The following ARHGAP30 variants were observed in gnomAD, a reference collection of about 807,000 sequenced individuals.
The protein encoded by ARHGAP30 is rho GTPase-activating protein 30.
In ARHGAP30, 23 loss-of-function variants were observed where a neutral mutation model predicts 72.0. The observed-to-expected ratio is 0.32, with a 90% CI of 0.23 to 0.45. The LOEUF is 0.45. Ranked by LOEUF, ARHGAP30 falls within the 20% of genes least tolerant of loss-of-function variation. ARHGAP30 has a pLI of 1.00. For synonymous variants in ARHGAP30, 576 were observed against 528.2 expected, an observed-to-expected ratio of 1.09 and a Z score of -1.24; for missense variants, 1,319 against 1,383.4, an observed-to-expected ratio of 0.95 and a Z score of 0.74.
intron 1 of ARHGAP30, among the ~76,000 whole-genome samples, chr1:161,065,531 CCTTTTTCTTTTTT>C (rs943707455): frequency 1.4e-4 from 21 of 152,068 alleles, no homozygotes; most frequent in East Asian, 1.2e-3. Context: ...CCCAATCTTT[CCTTTTTCTTTTTT>C]CTTTTTCTTT....
intron 1 of ARHGAP30, among the ~76,000 whole-genome samples, chr1:161,062,539 G>A (rs912482760): frequency 2.0e-5 from 3 of 151,894 alleles, no homozygotes; most frequent in African/African-American, 7.3e-5. Flanking sequence ...GACCAGCCTG[G>A]CCAACATAGC....
At chr1:161,056,589 T>G in intron 2 of ARHGAP30, 57 bp from the exon 3 acceptor site, 2 of 1,574,902 alleles carry the variant, frequency 1.3e-6, no homozygotes, top group Non-Finnish European at 1.7e-6. Flanking sequence ...TGGGGAGAGG[T>G]GGGTCCCTAT....
chr1:161,054,735 T>A (rs773822192), intron 3 of ARHGAP30, 30 bp from the exon 4 acceptor site: 3 of 1,601,728 alleles, frequency 1.9e-6, no homozygotes, highest in East Asian at 2.2e-5. Flanking sequence ...GAAGCAGGAA[T>A]CAGTGACCCA....
chr1:161,062,844 C>T (rs1373000184), intron 1 of ARHGAP30, among the ~76,000 whole-genome samples: 5 of 151,190 alleles, frequency 3.3e-5, no homozygotes, highest in South Asian at 4.2e-4. Flanking sequence ...GACGGAGTTT[C>T]GCTCTTGTTG....
chr1:161,050,779 C>T (rs1305393419), intron 10 of ARHGAP30, among the ~76,000 whole-genome samples: 5 of 151,792 alleles, frequency 3.3e-5, no homozygotes, highest in African/African-American at 7.3e-5. Context: ...GAGCTGGGAC[C>T]GCAGGCATCT....
intron 1 of ARHGAP30, among the ~76,000 whole-genome samples, chr1:161,064,819 G>GAAAGAAAGAA (rs1652606016): frequency 3.3e-5 from 2 of 60,600 alleles, no homozygotes; most frequent in South Asian, 8.6e-4. Flanking sequence ...AAGAAAGAAA[G>GAAAGAAAGAA]AAAGAAAGAA....
chr1:161,064,747 ACAAG>A (rs1571120324), intron 1 of ARHGAP30, among the ~76,000 whole-genome samples: 1 of 146,840 alleles, frequency 6.8e-6, no homozygotes, highest in East Asian at 2.0e-4. Flanking sequence ...ACAGAGTAAG[ACAAG>A]AAAGAAAGAG....
In ARHGAP30 at chr1:161,051,657, G is replaced by C; in HGVS notation, c.1077C>G (p.Ser359Arg). 1 of 1,612,912 alleles carries C rather than the reference G, an allele frequency of 6.2e-7. No homozygotes were observed. Reference sequence around the variant, plus strand: ...CTGCCTCTATAGAATCGTTCTCCAAGCTCTCAGGCAGCAATGGGCTTGGCC... The same window carrying C: ...CTGCCTCTATAGAATCGTTCTCCAACCTCTCAGGCAGCAATGGGCTTGGCC... ...SPRPSPLLPE[S>R]LENDSIEAAE... The change falls in exon 10 of 12, where the codon AGC becomes AGG. Residue 359 changes from serine to arginine, a missense_variant. Physicochemically the swap from Ser to Arg is moderately radical, Grantham distance 110 (BLOSUM62 -1). This residue lies in a region of ARHGAP30 where 1,097 missense variants were observed against 1,045.2 expected (regional missense o/e 1.05). Coordinates refer to ENST00000368013, the MANE Select transcript of ARHGAP30 (RefSeq NM_001025598.2).
chr1:161,064,823 GAA>G (rs1242829760), intron 1 of ARHGAP30, among the ~76,000 whole-genome samples: 3 of 63,944 alleles, frequency 4.7e-5, no homozygotes, highest in South Asian at 4.2e-4. Flanking sequence ...AAGAAAGAAA[GAA>G]AGAAAGAGAA....
Position 161,049,128 on chromosome 1 carries a change from C to G in ARHGAP30, c.1893G>C (p.Gly631=). The G allele has an allele frequency of 2.5e-6, 4 of 1,614,192 alleles. No homozygotes were observed. The highest frequency in any genetic ancestry group is 1.7e-6 in the Non-Finnish European group (2 of 1,180,012). Residue 631 remains glycine (G), a synonymous_variant, in exon 12 of 12, where the codon GGG becomes GGC. Transcript: ENST00000368013. ...ATCCTGCTGCCTCTCCCTCCAGACTCCCTGAACCCTTCCAGATTGGGGGTT... is the reference window on the plus strand; with the variant it reads ...ATCCTGCTGCCTCTCCCTCCAGACTGCCTGAACCCTTCCAGATTGGGGGTT... ...GPKPPIWKGS[G]SLEGEAAGCG... is the part of the protein sequence containing the mutation.
chr1:161,052,026 A>C (rs1651428011), intron 9 of ARHGAP30, among the ~76,000 whole-genome samples: 1 of 76,174 alleles, frequency 1.3e-5, no homozygotes, highest in African/African-American at 5.5e-5. Flanking sequence ...CACCACCACC[A>C]CCACCACCAC....
At chr1:161,065,530 T>G (rs1178156499) in intron 1 of ARHGAP30, among the ~76,000 whole-genome samples, 2 of 152,092 alleles carry the variant, frequency 1.3e-5, no homozygotes, top group African/African-American at 4.8e-5. Context: ...TCCCAATCTT[T>G]CCTTTTTCTT....
intron 5 of ARHGAP30, 128 bp from the exon 6 acceptor site, chr1:161,053,513 C>G (rs1469411342): frequency 1.1e-6 from 1 of 946,816 alleles, no homozygotes; most frequent in Non-Finnish European, 1.5e-6. Flanking sequence ...TCTCGAATGA[C>G]CTTAACCCCT....
At chr1:161,060,697 C>CTT (rs1311336285) in intron 1 of ARHGAP30, among the ~76,000 whole-genome samples, 406 of 103,390 alleles carry the variant, frequency 3.9e-3, no homozygotes, top group Non-Finnish European at 5.6e-3. Context: ...GAGTCAAGGA[C>CTT]TTTTTTTTTT....
intron 2 of ARHGAP30, among the ~76,000 whole-genome samples, chr1:161,059,338 T>TGTTTTTTG (rs59226414): frequency 6.7e-6 from 1 of 148,678 alleles, no homozygotes; most frequent in African/African-American, 2.5e-5. Flanking sequence ...TCAAGTTTTT[T>TGTTTTTTG]TTTTTTTTTT....
Position 161,060,024 on chromosome 1 carries a change from G to A in ARHGAP30, c.98-308C>T, listed in dbSNP as rs138526555. On this transcript the variant is annotated intron_variant, in intron 1 of 11. Transcript: ENST00000368013. ...AGGCTGGGTGCAGTGGCTCACCCCT[G>A]TAAGCCAGCACCTTGAGAGGCCAAG... The A allele has an allele frequency of 5.6e-3, 1,906 of 341,224 alleles. 19 individuals carry two copies. Among genetic ancestry groups the A allele is most frequent in the Middle Eastern group, 9.6e-3 (9 of 936 alleles). 21.1% of individuals were successfully genotyped at this position (341,224 alleles called of 1,614,324 possible). A position where few individuals can be genotyped will look rare whatever the true frequency, so the allele number is the denominator to read the frequency against.
At chr1:161,053,456 A>G (rs1458111952) in intron 5 of ARHGAP30, 71 bp from the exon 6 acceptor site, 12 of 1,186,776 alleles carry the variant, frequency 1.0e-5, no homozygotes, top group Non-Finnish European at 1.4e-5. Context: ...CCCTGAAAAT[A>G]CCTTATTCTC....
In ARHGAP30 at chr1:161,047,033, G is replaced by A. The variant is rs1391916602; in HGVS notation, c.*682C>T. 2.4e-5 allele frequency: 11 copies of A among 462,670 alleles called. No homozygotes were observed. The highest frequency in any genetic ancestry group is 1.4e-4 in the South Asian group (9 of 62,756). The allele number at this position is 462,670 out of a possible 1,614,324, so 28.7% of individuals were successfully genotyped here. On this transcript the variant is annotated 3_prime_UTR_variant, in exon 12 of 12. Coordinates refer to ENST00000368013, the MANE Select transcript of ARHGAP30 (RefSeq NM_001025598.2). ...GCCTGGCTGGAGAAGCAGTCCCAGGGCCTGAGTGACACCATTTCCCTTTCC... is the reference window on the plus strand; with the variant it reads ...GCCTGGCTGGAGAAGCAGTCCCAGGACCTGAGTGACACCATTTCCCTTTCC...
Position 161,051,464 on chromosome 1 carries a change from T to C in ARHGAP30, c.1270A>G (p.Ile424Val). ...DPYNVNLPLH[I>V]TSILSVPPNI... ...GGGGGCACACTGAGGATAGAGGTGA[T>C]GTGTAGCGGGAGGTTGACATTGTAG... Residue 424 changes from isoleucine (I) to valine (V), a missense_variant, in exon 10 of 12, where the codon ATC becomes GTC. Physicochemically the swap from Ile to Val is conservative, Grantham distance 29. This residue lies in a region of ARHGAP30 where 1,097 missense variants were observed against 1,045.2 expected (regional missense o/e 1.05). Coordinates refer to ENST00000368013, the MANE Select transcript of ARHGAP30 (RefSeq NM_001025598.2). 6.2e-7 allele frequency: 1 copy of C among 1,614,234 alleles called. No homozygotes were observed. The highest frequency in any genetic ancestry group is 8.5e-7 in the Non-Finnish European group (1 of 1,180,032).
Sources: gnomAD v4.1 joint callset for allele counts (sites outside exome capture counted in the v4.1 genomes callset) on GRCh38, gnomAD v4.1.1 for gene constraint, gnomAD v4.1.1 regional missense constraint, MANE v1.5 for transcripts, NCBI Gene and HGNC (gene_info 2026-07-23, HGNC 2026-07-21) for gene names.